The following NLGN4X variants were observed in gnomAD, a reference collection of about 807,000 sequenced individuals.
NLGN4X encodes the protein neuroligin-4, X-linked.
In NLGN4X, 3 loss-of-function variants were observed where a neutral mutation model predicts 40.3. The ratio of observed to expected loss-of-function variants is 0.07; its 90% CI spans 0.03 to 0.19. The LOEUF (loss-of-function observed/expected upper bound fraction) is 0.19, where lower values mean the gene tolerates loss of function less well. Ranked by LOEUF, NLGN4X falls within the 10% of genes least tolerant of loss-of-function variation. The pLI is 1.00. For missense variants in NLGN4X, 382 were observed against 708.3 expected, an observed-to-expected ratio of 0.54 and a Z score of 5.23; for synonymous variants, 270 against 306.8, an observed-to-expected ratio of 0.88 and a Z score of 1.25.
At chrX:6,052,295 T>C (rs771854384) in intron 2 of NLGN4X, among the ~76,000 whole-genome samples, 1 of 111,897 alleles carries the variant, frequency 8.9e-6, no homozygotes, top group Non-Finnish European at 1.9e-5. Context: ...AATAAATGTG[T>C]GTGATTTTAA....
intron 3 of NLGN4X, among the ~76,000 whole-genome samples, chrX:6,008,615 C>T (rs778350049): frequency 1.8e-5 from 2 of 111,948 alleles, no homozygotes; most frequent in African/African-American, 3.2e-5. Context: ...ACTGAACATG[C>T]TCTAACATGG....
At chrX:6,060,026 A>G (rs1379015793) in intron 2 of NLGN4X, among the ~76,000 whole-genome samples, 1 of 111,848 alleles carries the variant, frequency 8.9e-6, no homozygotes, top group Non-Finnish European at 1.9e-5. Context: ...CTGTGGTAAT[A>G]TTTTTGCTAC....
chrX:6,051,625 C>T (rs2037495784), intron 2 of NLGN4X, among the ~76,000 whole-genome samples: 1 of 111,029 alleles, frequency 9.0e-6, no homozygotes. Context: ...CCAGAAGAAA[C>T]CAACCATGCC....
At chrX:6,172,518 TA>T (rs1440192655) in intron 1 of NLGN4X, among the ~76,000 whole-genome samples, 1 of 111,976 alleles carries the variant, frequency 8.9e-6, no homozygotes, top group Non-Finnish European at 1.9e-5. Flanking sequence ...TTAATTTGCC[TA>T]ATATGTCACA....
At chrX:5,978,350 CTTCTCTTTCT>C (rs1324724027) in intron 3 of NLGN4X, among the ~76,000 whole-genome samples, 2 of 76,919 alleles carry the variant, frequency 2.6e-5, no homozygotes, top group Non-Finnish European at 4.8e-5. Flanking sequence ...CTTTCCCTTC[CTTCTCTTTCT>C]TTCTCTTTCT....
At chrX:6,204,112 C>T (rs1236562666) in intron 1 of NLGN4X, among the ~76,000 whole-genome samples, 3 of 112,288 alleles carry the variant, frequency 2.7e-5, no homozygotes, top group Non-Finnish European at 3.8e-5. Flanking sequence ...GATGTCAGTA[C>T]ATAGTTATCA....
chrX:5,905,101 A>C (rs73450234), intron 4 of NLGN4X, among the ~76,000 whole-genome samples: 27,281 of 110,057 alleles, frequency 0.25, 2,764 homozygotes, highest in African/African-American at 0.37. Context: ...GAGAAAGTCA[A>C]TATGTATTCT....
chrX:5,994,128 A>G (rs765675741), intron 3 of NLGN4X, among the ~76,000 whole-genome samples: 1 of 111,896 alleles, frequency 8.9e-6, no homozygotes, highest in South Asian at 3.8e-4. Flanking sequence ...TTCCCAGGAA[A>G]GGAAAGTGAA....
intron 3 of NLGN4X, among the ~76,000 whole-genome samples, chrX:5,973,825 A>C (rs1343357790): frequency 9.1e-6 from 1 of 110,337 alleles, no homozygotes; most frequent in African/African-American, 3.3e-5. Context: ...TCCCTCTCAA[A>C]AAAGAAAAAA....
rs1601835806 is a variant in NLGN4X, at chrX:5,891,109, A to C, written c.*1708T>G. 4.1e-6 allele frequency: 1 copy of C among 241,319 alleles called. No individual in the cohort carries two copies. Among genetic ancestry groups the C allele is most frequent in the Non-Finnish European group, 7.6e-6 (1 of 131,784 alleles). The allele number at this position is 241,319 out of a possible 1,213,427, so 19.9% of individuals were successfully genotyped here. ...ATCCATTGCTACTATGTTTCCTTCC[A>C]CCTTATAACACTCAAAACTTTCCTG... On this transcript the variant is annotated 3_prime_UTR_variant, in exon 6 of 6. Coordinates refer to ENST00000381095, the MANE Select transcript of NLGN4X (RefSeq NM_181332.3).
chrX:5,975,566 T>C (rs1479163083), intron 3 of NLGN4X, among the ~76,000 whole-genome samples: 6 of 97,551 alleles, frequency 6.2e-5, no homozygotes, highest in African/African-American at 2.4e-4. Context: ...TGAGCTGAGA[T>C]GGCGCCACTG....
intron 2 of NLGN4X, among the ~76,000 whole-genome samples, chrX:6,071,354 C>G (rs1026545959): frequency 9.0e-6 from 1 of 111,175 alleles, no homozygotes; most frequent in Non-Finnish European, 1.9e-5. Flanking sequence ...AAATCATTAG[C>G]GGTGGGGCGG....
rs752930537 is a variant in NLGN4X at position 6,185,537 on chromosome X, C to A, written c.-305-33766G>T. On this transcript the variant is annotated intron_variant, in intron 1 of 5. Transcript: ENST00000381095. ...TCCCCATTAATATTAATTATCCACT[C>A]CAAGGAAGCGTACTGAGTCAGAATT... Among the ~76,000 whole-genome samples, 4 of 111,841 alleles carry A rather than the reference C, an allele frequency of 3.6e-5. No homozygotes were observed. In the South Asian group the frequency reaches 1.5e-3, roughly 41 times the overall value.
chrX:6,019,051 GC>G (rs200676345), intron 3 of NLGN4X, among the ~76,000 whole-genome samples: 5,970 of 111,711 alleles, frequency 0.053, 329 homozygotes, highest in African/African-American at 0.17. Flanking sequence ...TATTTATATC[GC>G]TAAATGCAGG....
At chrX:5,923,211 C>T (rs1317766106) in intron 3 of NLGN4X, among the ~76,000 whole-genome samples, 1 of 112,372 alleles carries the variant, frequency 8.9e-6, no homozygotes, top group Non-Finnish European at 1.9e-5. Context: ...ATGCATTGGG[C>T]ATCTCTAGCT....
chrX:6,137,210 T>C (rs922880213), intron 2 of NLGN4X, among the ~76,000 whole-genome samples: 4 of 111,749 alleles, frequency 3.6e-5, no homozygotes, highest in African/African-American at 1.3e-4. Flanking sequence ...CTCCCTGGCT[T>C]AGGGATGAAT....
intron 1 of NLGN4X, among the ~76,000 whole-genome samples, chrX:6,218,323 C>G (rs1488409422): frequency 8.9e-6 from 1 of 111,816 alleles, no homozygotes; most frequent in Non-Finnish European, 1.9e-5. Context: ...TATATAATTA[C>G]CCTCTGAGAA....
At chrX:6,075,098 T>C (rs183747015) in intron 2 of NLGN4X, among the ~76,000 whole-genome samples, 1 of 111,586 alleles carries the variant, frequency 9.0e-6, no homozygotes, top group Admixed American at 9.5e-5. Context: ...TGCCAGGCAT[T>C]GTACTTGCCC....
In NLGN4X at chrX:6,194,059, A is replaced by G. The variant is rs777550278; in HGVS notation, c.-306+34482T>C. Among the ~76,000 whole-genome samples the G allele has an allele frequency of 8.1e-5, 9 of 111,407 alleles. No homozygotes were observed. The East Asian group carries it at 2.6e-3, about 32-fold the overall frequency. ...TAGCTGGATGTGGCGGCATGTGTCT[A>G]TGGTCCCAGCGGACTCAGGAAGCTG... is the stretch of plus-strand genomic sequence containing the variant. On this transcript the variant is annotated intron_variant, in intron 1 of 5. Coordinates refer to ENST00000381095, the MANE Select transcript of NLGN4X (RefSeq NM_181332.3).
Sources: allele counts gnomAD v4.1 joint callset (sites outside exome capture counted in the v4.1 genomes callset), GRCh38; gene constraint gnomAD v4.1.1; transcripts MANE v1.5; gene names NCBI Gene and HGNC (gene_info 2026-07-23, HGNC 2026-07-21).